The following CNTN4 variants were observed in gnomAD, a reference collection of about 807,000 sequenced individuals.
CNTN4 encodes the protein contactin-4.
CNTN4 carries 77 observed loss-of-function variants against 122.5 expected under a neutral mutation model. The observed-to-expected ratio is 0.63, with a 90% CI of 0.52 to 0.76. The LOEUF (loss-of-function observed/expected upper bound fraction) is 0.76, where lower values mean the gene tolerates loss of function less well. Ranked by LOEUF, CNTN4 falls within the 30% of genes least tolerant of loss-of-function variation. The pLI is 0.00. For synonymous variants in CNTN4, 512 were observed against 447.0 expected (o/e 1.15, Z -1.83); for missense variants, 1,256 against 1,259.1 (o/e 1.00, Z 0.04).
chr3:2,569,134 C>G (rs915058313), intron 3 of CNTN4, among the ~76,000 whole-genome samples: 2 of 152,168 alleles, frequency 1.3e-5, no homozygotes, highest in Non-Finnish European at 2.9e-5. Flanking sequence ...GCCACATCAG[C>G]AGATCCGAAG....
chr3:2,901,147 C>A (rs2094168557), intron 11 of CNTN4, among the ~76,000 whole-genome samples: 1 of 152,178 alleles, frequency 6.6e-6, no homozygotes, highest in South Asian at 2.1e-4. Context: ...GCATCCACTA[C>A]AAGAGAAGGG....
intron 6 of CNTN4, among the ~76,000 whole-genome samples, chr3:2,815,239 G>T (rs1283713014): frequency 6.6e-6 from 1 of 152,156 alleles, no homozygotes; most frequent in Non-Finnish European, 1.5e-5. Context: ...ATAAATAGCT[G>T]GGACCTAATT....
chr3:2,582,642 G>A (rs1023390590), intron 4 of CNTN4, among the ~76,000 whole-genome samples: 2 of 152,200 alleles, frequency 1.3e-5, no homozygotes, highest in African/African-American at 4.8e-5. Context: ...CACCCCAAGA[G>A]CAGGGAGACT....
chr3:2,816,366 A>T (rs149726141), intron 6 of CNTN4, among the ~76,000 whole-genome samples: 3,250 of 151,816 alleles, frequency 0.021, 53 homozygotes, highest in Non-Finnish European at 0.034. Flanking sequence ...AAAAAATAAA[A>T]AAAATAAATA....
At chr3:2,749,435 C>G (rs1183575175) in intron 6 of CNTN4, among the ~76,000 whole-genome samples, 4 of 151,240 alleles carry the variant, frequency 2.6e-5, no homozygotes, top group African/African-American at 7.3e-5. Flanking sequence ...AGCCTCCCAA[C>G]AAGGTGAGAT....
In CNTN4 at chr3:3,039,003, G is replaced by T; in HGVS notation, c.2163G>T (p.Glu721Asp). ...GSKSELVITW[E>D]TVPEELQNGR... ...AATCTGAACTGGTTATAACCTGGGAGGTAAATGAATCACAGAATAAAAGGA... is the reference window on the plus strand; with the variant it reads ...AATCTGAACTGGTTATAACCTGGGATGTAAATGAATCACAGAATAAAAGGA... The change falls in exon 19 of 25, where the codon GAG (glutamate) becomes GAT (aspartate). Residue 721 changes from glutamate (E) to aspartate (D), a missense_variant and splice_region_variant. Transcript: ENST00000418658. The T allele has an allele frequency of 6.2e-7, 1 of 1,612,224 alleles. No homozygotes were observed. The highest frequency in any genetic ancestry group is 1.1e-5 in the South Asian group (1 of 91,038).
At chr3:2,987,451 C>G (rs1054116025) in intron 13 of CNTN4, among the ~76,000 whole-genome samples, 7 of 152,216 alleles carry the variant, frequency 4.6e-5, no homozygotes, top group African/African-American at 1.7e-4. Flanking sequence ...AATTAGGAGG[C>G]TGTTTTGATA....
chr3:2,475,239 T>C (rs1299084035), intron 3 of CNTN4, among the ~76,000 whole-genome samples: 1 of 152,228 alleles, frequency 6.6e-6, no homozygotes, highest in Non-Finnish European at 1.5e-5. Flanking sequence ...ACTGCTATCA[T>C]GTTGAGGAAG....
intron 2 of CNTN4, among the ~76,000 whole-genome samples, chr3:2,269,218 A>C (rs1226968008): frequency 6.6e-6 from 1 of 152,160 alleles, no homozygotes; most frequent in Non-Finnish European, 1.5e-5. Context: ...CCTTTGTTTA[A>C]TCAATGGTTA....
At chr3:2,395,581 T>C (rs972451198) in intron 3 of CNTN4, among the ~76,000 whole-genome samples, 2 of 152,158 alleles carry the variant, frequency 1.3e-5, no homozygotes, top group African/African-American at 4.8e-5. Flanking sequence ...AGGCAGTTTT[T>C]CAGTCCTTGC....
In CNTN4 at chr3:2,374,152, C is replaced by T. The variant is rs562655908; in HGVS notation, c.-89+34919C>T. Among the ~76,000 whole-genome samples the T allele has an allele frequency of 2.0e-5, 3 of 152,188 alleles. No homozygotes were observed. The East Asian group carries it at 5.8e-4, about 29-fold the overall frequency. On this transcript the variant is annotated intron_variant, in intron 3 of 24. Coordinates refer to ENST00000418658, the MANE Select transcript of CNTN4 (RefSeq NM_175607.3). ...CTCAGTAAAGGAAATGGGCTTCTCA[C>T]GTAGAAGGTGATATGCATGGACATT... is the stretch of plus-strand genomic sequence containing the variant.
intron 2 of CNTN4, among the ~76,000 whole-genome samples, chr3:2,242,164 A>T (rs2039966581): frequency 6.6e-6 from 1 of 152,186 alleles, no homozygotes; most frequent in Non-Finnish European, 1.5e-5. Flanking sequence ...TCTCTAATAG[A>T]AATCACAAAA....
At chr3:2,745,450 A>G (rs1421157676) in intron 5 of CNTN4, 72 bp from the exon 6 acceptor site, 13 of 1,211,740 alleles carry the variant, frequency 1.1e-5, no homozygotes, top group Non-Finnish European at 1.3e-5. Context: ...TATAGTTTTT[A>G]TATATTTTAG....
chr3:2,120,368 T>TATAA (rs1553568218), intron 2 of CNTN4, among the ~76,000 whole-genome samples: 5 of 49,204 alleles, frequency 1.0e-4, no homozygotes, highest in African/African-American at 3.1e-4. Flanking sequence ...TATATATATA[T>TATAA]ATATAAATAT....
chr3:2,811,189 C>T (rs2092598462), intron 6 of CNTN4, among the ~76,000 whole-genome samples: 1 of 151,760 alleles, frequency 6.6e-6, no homozygotes, highest in Non-Finnish European at 1.5e-5. Context: ...GCAGGCGTAT[C>T]ACTTGAAGTC....
chr3:3,009,705 T>G (rs529887435), intron 14 of CNTN4, among the ~76,000 whole-genome samples: 1 of 152,116 alleles, frequency 6.6e-6, no homozygotes, highest in South Asian at 2.1e-4. Context: ...AGTGCTGGGA[T>G]TACAGGCGTG....
At chr3:2,167,263 T>C (rs1046136607) in intron 2 of CNTN4, among the ~76,000 whole-genome samples, 2 of 152,164 alleles carry the variant, frequency 1.3e-5, no homozygotes, top group African/African-American at 2.4e-5. Context: ...ATTGGACATA[T>C]GGTTCAAAAA....
At chr3:2,738,796 C>T (rs1017579424) in intron 5 of CNTN4, among the ~76,000 whole-genome samples, 5 of 151,908 alleles carry the variant, frequency 3.3e-5, no homozygotes, top group Admixed American at 2.0e-4. Context: ...GGGAAATTTG[C>T]AATACTTTTA....
In CNTN4 at chr3:2,570,206, C is replaced by G. The variant is rs558184388; in HGVS notation, c.-88-1210C>G. Reference sequence around the variant, plus strand: ...TTTTTTTCTCTGAGACAGGGTCTCCCTCTGTTGCCCAGGCTGGAATGCAGT... The same window carrying G: ...TTTTTTTCTCTGAGACAGGGTCTCCGTCTGTTGCCCAGGCTGGAATGCAGT... On this transcript the variant is annotated intron_variant, in intron 3 of 24. Transcript: ENST00000418658. Among the ~76,000 whole-genome samples, 6 of 152,142 alleles carry G rather than the reference C, an allele frequency of 3.9e-5. No individual in the cohort carries two copies. In the South Asian group the frequency reaches 1.2e-3, roughly 32 times the overall value.
Sources: gnomAD v4.1 joint callset for allele counts (sites outside exome capture counted in the v4.1 genomes callset) on GRCh38, gnomAD v4.1.1 for gene constraint, MANE v1.5 for transcripts, NCBI Gene and HGNC (gene_info 2026-07-23, HGNC 2026-07-21) for gene names.